TYW1B: variants seen among roughly 807,000 people sequenced by gnomAD.
TYW1B encodes S-adenosyl-L-methionine-dependent tRNA 4-demethylwyosine synthase TYW1B.
Under a neutral mutation model 86.9 loss-of-function variants are expected in TYW1B, and 73 were observed. The ratio of observed to expected loss-of-function variants is 0.84; its 90% CI spans 0.70 to 1.02. TYW1B has a LOEUF of 1.02. Among genes scored for constraint, TYW1B ranks in the 50% least tolerant of loss-of-function variants. The pLI is 0.00. For missense variants in TYW1B, 637 were observed against 827.4 expected, an observed-to-expected ratio of 0.77 and a Z score of 2.82; for synonymous variants, 248 against 292.8, an observed-to-expected ratio of 0.85 and a Z score of 1.56.
chr7:72,795,233 AAAAAT>A (rs139583061), intron 6 of TYW1B, among the ~76,000 whole-genome samples: 13,850 of 152,002 alleles, frequency 0.091, 705 homozygotes, highest in African/African-American at 0.1. Context: ...TGTCTCCAAA[AAAAAT>A]AAAATAAAAA....
At chr7:72,586,336 T>C (rs1554430496) in intron 13 of TYW1B, among the ~76,000 whole-genome samples, 1 of 152,194 alleles carries the variant, frequency 6.6e-6, no homozygotes, top group African/African-American at 2.4e-5. Flanking sequence ...CTAGACACAG[T>C]TGACTGCTAC....
At chr7:72,749,737 T>A (rs1787464074) in intron 7 of TYW1B, among the ~76,000 whole-genome samples, 2 of 146,594 alleles carry the variant, frequency 1.4e-5, no homozygotes, top group African/African-American at 5.0e-5. Flanking sequence ...TTTTTTTTTT[T>A]ACTTGGCTCT....
intron 7 of TYW1B, among the ~76,000 whole-genome samples, chr7:72,750,910 T>C (rs1165694519): frequency 6.6e-6 from 1 of 152,222 alleles, no homozygotes; most frequent in African/African-American, 2.4e-5. Context: ...ATTTTTAATT[T>C]TGAAGCATTT....
At chr7:72,814,902 CAA>C (rs35390409) in intron 3 of TYW1B, among the ~76,000 whole-genome samples, 43 of 125,736 alleles carry the variant, frequency 3.4e-4, no homozygotes, top group Admixed American at 7.3e-4. Context: ...TCAACTCTAG[CAA>C]AAAAAAAAAA....
At chr7:72,677,765 G>A (rs542906728) in intron 11 of TYW1B, among the ~76,000 whole-genome samples, 1 of 152,028 alleles carries the variant, frequency 6.6e-6, no homozygotes, top group African/African-American at 2.4e-5. Flanking sequence ...GCAGTAGCGT[G>A]ATCTTGGCTC....
At chr7:72,680,040 G>A (rs1222904740) in intron 11 of TYW1B, among the ~76,000 whole-genome samples, 1 of 152,164 alleles carries the variant, frequency 6.6e-6, no homozygotes, top group East Asian at 1.9e-4. Flanking sequence ...GAAGTGGGAG[G>A]ACTGCTTGAG....
At chr7:72,594,985 T>G (rs1811494152) in intron 13 of TYW1B, among the ~76,000 whole-genome samples, 1 of 152,188 alleles carries the variant, frequency 6.6e-6, no homozygotes, top group Non-Finnish European at 1.5e-5. Flanking sequence ...AGCTGGAAAC[T>G]ATCTTAACGT....
chr7:72,614,004 G>C (rs1339013631), intron 13 of TYW1B, among the ~76,000 whole-genome samples: 3 of 151,394 alleles, frequency 2.0e-5, no homozygotes, highest in East Asian at 1.9e-4. Context: ...ATGTATGCTG[G>C]GGGGGTGGGG....
intron 11 of TYW1B, among the ~76,000 whole-genome samples, chr7:72,657,051 G>C (rs1433992460): frequency 6.6e-6 from 1 of 152,128 alleles, no homozygotes; most frequent in African/African-American, 2.4e-5. Context: ...AGATCTCAAA[G>C]AAAAGGAAAT....
At chr7:72,671,863 A>C (rs1161185586) in intron 11 of TYW1B, among the ~76,000 whole-genome samples, 1 of 142,900 alleles carries the variant, frequency 7.0e-6, no homozygotes, top group Non-Finnish European at 1.5e-5. Context: ...TTTTTTTTTC[A>C]GAACTATTCA....
chr7:72,581,769 A>G (rs782027302), intron 13 of TYW1B, among the ~76,000 whole-genome samples: 8 of 151,394 alleles, frequency 5.3e-5, no homozygotes, highest in Non-Finnish European at 1.2e-4. Flanking sequence ...AAAAATAAAA[A>G]GAGGCTGGGG....
At chr7:72,656,127 T>G (rs1554443589) in intron 11 of TYW1B, among the ~76,000 whole-genome samples, 1 of 151,858 alleles carries the variant, frequency 6.6e-6, no homozygotes. Flanking sequence ...TGGGCTGATA[T>G]CCCCTTCCCA....
Position 72,729,884 on chromosome 7 carries a change from G to A in TYW1B, c.1083-953C>T, listed in dbSNP as rs116903401. On this transcript the variant is annotated intron_variant, in intron 8 of 13. Transcript: ENST00000620995. ...AAGAACCAGCAAGCCCAGCAACACC[G>A]ACCCTAGCAAAGCCATGCCACTGCC... Among the ~76,000 whole-genome samples the A allele has an allele frequency of 3.6e-3, 541 of 152,148 alleles. 3 individuals carry two copies. The highest frequency in any genetic ancestry group is 5.8e-3 in the South Asian group (28 of 4,812).
chr7:72,587,651 G>A (rs1159180795), intron 13 of TYW1B, among the ~76,000 whole-genome samples: 1 of 152,128 alleles, frequency 6.6e-6, no homozygotes, highest in Admixed American at 6.6e-5. Flanking sequence ...GGGCAGTTTA[G>A]GGAGGGTCAG....
At chr7:72,738,448 A>G (rs1182929261) in intron 8 of TYW1B, among the ~76,000 whole-genome samples, 3 of 152,144 alleles carry the variant, frequency 2.0e-5, no homozygotes, top group Admixed American at 6.6e-5. Flanking sequence ...GTGACTGTAG[A>G]CCATGGCACA....
chr7:72,735,052 C>A (rs1447507809), intron 8 of TYW1B, among the ~76,000 whole-genome samples: 27 of 152,052 alleles, frequency 1.8e-4, no homozygotes, highest in Admixed American at 1.2e-3. Flanking sequence ...GGAGATTCCT[C>A]AAAAAACTAA....
At chr7:72,679,089 G>C (rs528597038) in intron 11 of TYW1B, among the ~76,000 whole-genome samples, 1 of 152,194 alleles carries the variant, frequency 6.6e-6, no homozygotes, top group South Asian at 2.1e-4. Flanking sequence ...AATAGAGCAA[G>C]ATCCTGTCTC....
chr7:72,600,374 A>G (rs1177219788), intron 13 of TYW1B, among the ~76,000 whole-genome samples: 1 of 152,242 alleles, frequency 6.6e-6, no homozygotes, highest in Non-Finnish European at 1.5e-5. Context: ...AATGGATCAC[A>G]GACTTAACCA....
intron 13 of TYW1B, among the ~76,000 whole-genome samples, chr7:72,616,162 T>C (rs759589361): frequency 6.6e-6 from 1 of 152,186 alleles, no homozygotes; most frequent in African/African-American, 2.4e-5. Flanking sequence ...TTAAGAAAGA[T>C]ACTAGATTCA....
Sources: gnomAD v4.1 joint callset for allele counts (sites outside exome capture counted in the v4.1 genomes callset) on GRCh38, gnomAD v4.1.1 for gene constraint, MANE v1.5 for transcripts, NCBI Gene and HGNC (gene_info 2026-07-23, HGNC 2026-07-21) for gene names.